Variants in SLAIN2 observed in about 807,000 individuals in gnomAD.
The protein encoded by SLAIN2 is SLAIN family member 2.
SLAIN2 carries 31 observed loss-of-function variants against 56.6 expected under a neutral mutation model. The ratio of observed to expected loss-of-function variants is 0.55; its 90% CI spans 0.41 to 0.74. SLAIN2 has a LOEUF of 0.74. Among genes scored for constraint, SLAIN2 ranks in the 30% least tolerant of loss-of-function variants. The pLI is 0.00. For missense variants in SLAIN2, 777 were observed against 754.2 expected (o/e 1.03, Z -0.35); for synonymous variants, 317 against 284.9 (o/e 1.11, Z -1.13).
rs1715748800 is a variant in SLAIN2 at position 48,374,318 on chromosome 4, C to A, written c.539-3578C>A. 2.0e-5 allele frequency among the ~76,000 whole-genome samples: 3 copies of A among 152,018 alleles called. No homozygotes were observed. In the South Asian group the frequency reaches 6.2e-4, roughly 32 times the overall value. On this transcript the variant is annotated intron_variant, in intron 2 of 7. Coordinates refer to ENST00000264313, the MANE Select transcript of SLAIN2 (RefSeq NM_020846.2). ...GTGGTGCGATCTTGGCTCACTGCAA[C>A]CTCTGCCTCCCGGGTTCAAGCGATT...
At chr4:48,418,705 G>A (rs993892297) in intron 6 of SLAIN2, among the ~76,000 whole-genome samples, 41 of 152,156 alleles carry the variant, frequency 2.7e-4, no homozygotes, top group African/African-American at 8.2e-4. Context: ...TTGTGACGGA[G>A]ATTATGTTGA....
rs574357873 is a variant in SLAIN2 at position 48,358,380 on chromosome 4, C to T, written c.390-11469C>T. 4.0e-5 allele frequency among the ~76,000 whole-genome samples: 6 copies of T among 149,536 alleles called. No homozygotes were observed. The South Asian group carries it at 6.3e-4, about 16-fold the overall frequency. On this transcript the variant is annotated intron_variant, in intron 1 of 7. Transcript: ENST00000264313. The stretch of plus-strand genomic sequence containing the variant: ...TGTTGCCCATGCTGGAGTGCAATGG[C>T]GCGATCTTGGCTCACCACAACCTCC...
At position 48,425,061 on chromosome 4, in the gene SLAIN2, T is replaced by G. The variant is rs989839832; in HGVS notation, c.*2984T>G. 1.3e-5 allele frequency: 2 copies of G among 152,152 alleles called. No homozygotes were observed. Among genetic ancestry groups the G allele is most frequent in the African/African-American group, 4.8e-5 (2 of 41,454 alleles). The allele number at this position is 152,152 out of a possible 1,614,324, so 9.4% of individuals were successfully genotyped here. ...AATTAATCTCTGGATATGGTAAGAT[T>G]CCTTTTTTCCTCTCAGTTGCCTACA... On this transcript the variant is annotated 3_prime_UTR_variant, in exon 8 of 8. Transcript: ENST00000264313.
chr4:48,358,960 A>T (rs366168), intron 1 of SLAIN2, among the ~76,000 whole-genome samples: 34,668 of 151,966 alleles, frequency 0.23, 4,740 homozygotes, highest in Middle Eastern at 0.33. Flanking sequence ...ACCTCGGGTG[A>T]TCCGCCTGCC....
intron 1 of SLAIN2, among the ~76,000 whole-genome samples, chr4:48,345,438 T>C (rs1560447685): frequency 6.6e-6 from 1 of 152,226 alleles, no homozygotes; most frequent in Non-Finnish European, 1.5e-5. Context: ...CCCAGAGTTG[T>C]ACCCAGCATT....
At chr4:48,357,991 G>T (rs1445820032) in intron 1 of SLAIN2, among the ~76,000 whole-genome samples, 1 of 152,134 alleles carries the variant, frequency 6.6e-6, no homozygotes, top group Non-Finnish European at 1.5e-5. Context: ...GAGCCACCAC[G>T]CCTGGCCCTA....
chr4:48,342,091 G>T lies in SLAIN2; in HGVS notation c.352G>T (p.Glu118Ter). The change falls in exon 1 of 8, where the codon GAG becomes TAG. Residue 118 changes from glutamate to a stop codon, truncating the protein, a stop_gained. Coordinates refer to ENST00000264313, the MANE Select transcript of SLAIN2 (RefSeq NM_020846.2). LOFTEE classifies it high-confidence loss of function. Reference sequence around the variant, plus strand: ...GGAGCCGCTGCGGCCCGACGAGCTGGAGCGCCTGTCAGGCTGGGAGGAGGA... The same window carrying T: ...GGAGCCGCTGCGGCCCGACGAGCTGTAGCGCCTGTCAGGCTGGGAGGAGGA... ...EVEPLRPDEL[E>*]RLSGWEEEEE... is the part of the protein sequence containing the mutation. 7.3e-7 allele frequency: 1 copy of T among 1,366,800 alleles called. No individual in the cohort carries two copies. The highest frequency in any genetic ancestry group is 9.4e-7 in the Non-Finnish European group (1 of 1,066,938). 84.7% of individuals were successfully genotyped at this position (1,366,800 alleles called of 1,614,324 possible).
chr4:48,358,920 A>C (rs445892), intron 1 of SLAIN2, among the ~76,000 whole-genome samples: 91,806 of 151,122 alleles, frequency 0.61, 28,066 homozygotes, highest in South Asian at 0.71. Flanking sequence ...GGATTTTCAC[A>C]ATGTTGGCCA....
intron 6 of SLAIN2, among the ~76,000 whole-genome samples, chr4:48,387,621 T>C (rs1577726389): frequency 6.6e-6 from 1 of 152,014 alleles, no homozygotes; most frequent in African/African-American, 2.4e-5. Context: ...ATATTTATTT[T>C]GGTATAGAAT....
chr4:48,407,826 C>A (rs140498649), intron 6 of SLAIN2, among the ~76,000 whole-genome samples: 2 of 152,074 alleles, frequency 1.3e-5, no homozygotes, highest in Non-Finnish European at 2.9e-5. Flanking sequence ...CATAAGAAAC[C>A]CCATACTTAT....
At chr4:48,343,396 C>T (rs1054800462) in intron 1 of SLAIN2, among the ~76,000 whole-genome samples, 2 of 152,332 alleles carry the variant, frequency 1.3e-5, no homozygotes. Context: ...ATTTGTTACT[C>T]TTAAGCCTAG....
intron 6 of SLAIN2, among the ~76,000 whole-genome samples, chr4:48,392,889 T>C (rs1716272868): frequency 6.7e-6 from 1 of 148,746 alleles, no homozygotes; most frequent in African/African-American, 2.5e-5. Flanking sequence ...AGCCATCTAG[T>C]TGCCTACTGG....
At chr4:48,383,574 G>A in intron 5 of SLAIN2, 73 bp from the exon 6 acceptor site, 1 of 1,213,778 alleles carries the variant, frequency 8.2e-7, no homozygotes, top group African/African-American at 1.6e-5. Context: ...TTTGATTTTT[G>A]AATGCTAGTT....
chr4:48,402,057 G>A (rs2109777684), intron 6 of SLAIN2, among the ~76,000 whole-genome samples: 1 of 152,240 alleles, frequency 6.6e-6, no homozygotes, highest in African/African-American at 2.4e-5. Context: ...GAAATTCTGG[G>A]TTAGAAATTC....
chr4:48,411,377 A>G (rs938744944), intron 6 of SLAIN2, among the ~76,000 whole-genome samples: 3 of 152,136 alleles, frequency 2.0e-5, no homozygotes, highest in African/African-American at 7.2e-5. Context: ...AAACACTCCT[A>G]TGTTTTTTTC....
chr4:48,394,974 TCAGA>T (rs1308563138), intron 6 of SLAIN2, among the ~76,000 whole-genome samples: 1 of 152,232 alleles, frequency 6.6e-6, no homozygotes, highest in Non-Finnish European at 1.5e-5. Context: ...GAACCAAATG[TCAGA>T]CATTCTGTAT....
chr4:48,417,802 C>G (rs1355680778), intron 6 of SLAIN2, among the ~76,000 whole-genome samples: 11 of 148,902 alleles, frequency 7.4e-5, no homozygotes, highest in South Asian at 2.2e-4. Flanking sequence ...ATTCAACAAC[C>G]CTTCATGCTA....
At chr4:48,397,858 G>C (rs749606909) in intron 6 of SLAIN2, among the ~76,000 whole-genome samples, 1 of 152,156 alleles carries the variant, frequency 6.6e-6, no homozygotes, top group South Asian at 2.1e-4. Context: ...TGGCTGCATA[G>C]TACTCCATGG....
intron 6 of SLAIN2, among the ~76,000 whole-genome samples, chr4:48,399,118 G>A (rs982085648): frequency 1.2e-4 from 19 of 152,096 alleles, no homozygotes; most frequent in African/African-American, 4.6e-4. Context: ...TTATGATATT[G>A]ATTCTTCCTA....
Sources: gnomAD v4.1 joint callset for allele counts (sites outside exome capture counted in the v4.1 genomes callset) on GRCh38, gnomAD v4.1.1 for gene constraint, MANE v1.5 for transcripts, NCBI Gene and HGNC (gene_info 2026-07-23, HGNC 2026-07-21) for gene names.